Variants in PARD3B observed in about 807,000 individuals in gnomAD.
PARD3B encodes par-3 family cell polarity regulator beta.
A neutral mutation model predicts 130.2 loss-of-function variants in PARD3B; 103 were observed. The observed-to-expected ratio is 0.79, with a 90% CI of 0.67 to 0.93. PARD3B has a LOEUF of 0.93. Among genes scored for constraint, PARD3B ranks in the 40% least tolerant of loss-of-function variants. PARD3B has a pLI of 0.00. For missense variants in PARD3B, 1,609 were observed against 1,499.2 expected, an observed-to-expected ratio of 1.07 and a Z score of -1.21; for synonymous variants, 583 against 553.2, an observed-to-expected ratio of 1.05 and a Z score of -0.76.
At chr2:204,774,899 A>ACGT (rs2041552036) in intron 2 of PARD3B, among the ~76,000 whole-genome samples, 1 of 152,122 alleles carries the variant, frequency 6.6e-6, no homozygotes, top group South Asian at 2.1e-4. Flanking sequence ...TCCTTCCAGT[A>ACGT]AGAAATTGTG....
chr2:205,035,801 A>G (rs1482735337), intron 3 of PARD3B, among the ~76,000 whole-genome samples: 1 of 4,942 alleles, frequency 2.0e-4, no homozygotes, highest in Non-Finnish European at 6.5e-4. Context: ...TATATCTCAT[A>G]TATATATATA....
chr2:205,060,135 G>A (rs1216661433), intron 4 of PARD3B, among the ~76,000 whole-genome samples: 2 of 152,012 alleles, frequency 1.3e-5, no homozygotes, highest in Non-Finnish European at 2.9e-5. Flanking sequence ...CTTGAGAGTA[G>A]CATTTGTCCA....
At chr2:204,786,130 A>G (rs1271342833) in intron 2 of PARD3B, among the ~76,000 whole-genome samples, 1 of 151,596 alleles carries the variant, frequency 6.6e-6, no homozygotes, top group African/African-American at 2.4e-5. Flanking sequence ...AAAAAAAAAA[A>G]AAAGTAGATG....
chr2:204,589,950 C>A (rs926869643), intron 1 of PARD3B, among the ~76,000 whole-genome samples: 1 of 152,168 alleles, frequency 6.6e-6, no homozygotes, highest in African/African-American at 2.4e-5. Flanking sequence ...GAGTTCTAGT[C>A]TGCCATTGAT....
chr2:205,572,216 A>G lies in PARD3B; in HGVS notation c.3260+18813A>G, dbSNP rs773465044. 2.6e-5 allele frequency among the ~76,000 whole-genome samples: 4 copies of G among 151,836 alleles called. No homozygotes were observed. Among genetic ancestry groups the G allele is most frequent in the Non-Finnish European group, 4.4e-5 (3 of 68,032 alleles). ...TTTCAGTCTCTGGTACCTTGGGAAG[A>G]GAGTAGAAGAATGACAAATTATAGA... On this transcript the variant is annotated intron_variant, in intron 22 of 22. Coordinates refer to ENST00000406610, the MANE Select transcript of PARD3B (RefSeq NM_001302769.2). The surrounding 1 kb of genome is among the most constrained non-coding windows in gnomAD (Gnocchi z 4.2).
At chr2:205,356,724 C>G (rs183294274) in intron 18 of PARD3B, among the ~76,000 whole-genome samples, 15 of 152,132 alleles carry the variant, frequency 9.9e-5, no homozygotes, top group African/African-American at 3.1e-4. Context: ...AACCCCGTCT[C>G]TACTAAAAAT....
At chr2:205,392,526 CTAAA>C (rs1435582235) in intron 18 of PARD3B, among the ~76,000 whole-genome samples, 1 of 152,132 alleles carries the variant, frequency 6.6e-6, no homozygotes, top group Non-Finnish European at 1.5e-5. Context: ...GGATAAATGT[CTAAA>C]TAACATATCA....
intron 2 of PARD3B, among the ~76,000 whole-genome samples, chr2:204,915,885 A>T (rs1165935021): frequency 6.6e-6 from 1 of 152,184 alleles, no homozygotes; most frequent in Non-Finnish European, 1.5e-5. Context: ...AAAATCAAAT[A>T]TGGAATAATT....
chr2:204,566,574 T>C (rs2125063269), intron 1 of PARD3B, among the ~76,000 whole-genome samples: 1 of 152,352 alleles, frequency 6.6e-6, no homozygotes, highest in Middle Eastern at 3.4e-3. Context: ...AAAAAATCAA[T>C]TCCTTTTCCT....
chr2:205,262,419 C>T (rs1451517008), intron 16 of PARD3B, among the ~76,000 whole-genome samples: 4 of 151,936 alleles, frequency 2.6e-5, no homozygotes, highest in African/African-American at 4.8e-5. Context: ...GGCATGGCAA[C>T]GAGAACTGGC....
At chr2:205,139,864 G>A (rs771547907) in intron 10 of PARD3B, among the ~76,000 whole-genome samples, 1 of 152,066 alleles carries the variant, frequency 6.6e-6, no homozygotes, top group Non-Finnish European at 1.5e-5. Context: ...GCAAAAAGCT[G>A]CAAACAAGCT....
intron 16 of PARD3B, among the ~76,000 whole-genome samples, chr2:205,266,148 T>C (rs931603028): frequency 2.9e-4 from 44 of 152,260 alleles, no homozygotes; most frequent in African/African-American, 1.1e-3. Context: ...TGTCTATTGA[T>C]TTAATGTCTC....
chr2:204,883,224 G>A (rs774189218), intron 2 of PARD3B, among the ~76,000 whole-genome samples: 1 of 150,850 alleles, frequency 6.6e-6, no homozygotes, highest in Non-Finnish European at 1.5e-5. Context: ...TTTCCTCATC[G>A]TTTTCTCCTC....
rs2040382089 is a variant in PARD3B, at chr2:205,263,200, G to A, written c.2185+17378G>A. On this transcript the variant is annotated intron_variant, in intron 16 of 22. Coordinates refer to ENST00000406610, the MANE Select transcript of PARD3B (RefSeq NM_001302769.2). This position sits in a 1 kb window ranked among gnomAD's most constrained non-coding sequence, Gnocchi z 4.0. ...TTTATTTCAGAGCCTTGTTCTATTA[G>A]TTAATGGTTCTTTCTCTTCTGTCTT... 6.6e-6 allele frequency among the ~76,000 whole-genome samples: 1 copy of A among 152,080 alleles called. No homozygotes were observed. The highest frequency in any genetic ancestry group is 2.4e-5 in the African/African-American group (1 of 41,442).
rs1222965525 is a variant in PARD3B at position 205,128,630 on chromosome 2, G to C, written c.1434+2893G>C. 6.6e-6 allele frequency among the ~76,000 whole-genome samples: 1 copy of C among 152,134 alleles called. No individual in the cohort carries two copies. The highest frequency in any genetic ancestry group is 6.5e-5 in the Admixed American group (1 of 15,286). On this transcript the variant is annotated intron_variant, in intron 10 of 22. Transcript: ENST00000406610. The surrounding 1 kb of genome is among the most constrained non-coding windows in gnomAD (Gnocchi z 4.5). Reference sequence around the variant, plus strand: ...TGAGATAATACAGGCAAAGCTTGTAGCATAGTTTCTGGCTAATTGTAAGTT... The same window carrying C: ...TGAGATAATACAGGCAAAGCTTGTACCATAGTTTCTGGCTAATTGTAAGTT...
At chr2:205,101,208 C>T (rs774654332) in intron 4 of PARD3B, among the ~76,000 whole-genome samples, 52 of 152,098 alleles carry the variant, frequency 3.4e-4, no homozygotes, top group Non-Finnish European at 5.9e-4. Context: ...GGGAAAGAAG[C>T]TCAACATCAT....
chr2:204,565,594 A>T (rs2031623881), intron 1 of PARD3B, among the ~76,000 whole-genome samples: 1 of 152,250 alleles, frequency 6.6e-6, no homozygotes. Flanking sequence ...GAAGCTATCA[A>T]GCTCACAGTG....
At chr2:205,153,532 T>C (rs1039049548) in intron 10 of PARD3B, among the ~76,000 whole-genome samples, 4 of 152,120 alleles carry the variant, frequency 2.6e-5, no homozygotes, top group Non-Finnish European at 5.9e-5. Flanking sequence ...CTTCACAGAA[T>C]TGGAAAAAAC....
intron 2 of PARD3B, among the ~76,000 whole-genome samples, chr2:204,865,424 C>CAT (rs1238038932): frequency 6.6e-6 from 1 of 152,092 alleles, no homozygotes; most frequent in Non-Finnish European, 1.5e-5. Flanking sequence ...GCAAATGTGG[C>CAT]ATATATATAC....
Sources: allele counts gnomAD v4.1 joint callset (sites outside exome capture counted in the v4.1 genomes callset), GRCh38; gene constraint gnomAD v4.1.1; non-coding constraint Gnocchi (gnomAD v3.1); transcripts MANE v1.5; gene names NCBI Gene and HGNC (gene_info 2026-07-23, HGNC 2026-07-21).